PLA2G5: variants seen among roughly 807,000 people sequenced by gnomAD.
PLA2G5 encodes the protein phospholipase A2 group V, also known as Ca2+-dependent phospholipase A2.
A neutral mutation model predicts 15.9 loss-of-function variants in PLA2G5; 12 were observed. The ratio of observed to expected loss-of-function variants is 0.76; its 90% CI spans 0.48 to 1.23. The LOEUF (loss-of-function observed/expected upper bound fraction) is 1.23, where lower values mean the gene tolerates loss of function less well. PLA2G5 is among the 50% of genes most tolerant of loss of function. The pLI, the probability that PLA2G5 is intolerant of heterozygous loss-of-function variation, is 0.00. For missense variants in PLA2G5, 169 were observed against 177.1 expected (o/e 0.95, Z 0.26); for synonymous variants, 71 against 71.4 (o/e 0.99, Z 0.03).
At chr1:20,036,067 C>G (rs1018847023) in intron 1 of PLA2G5, among the ~76,000 whole-genome samples, 5 of 152,146 alleles carry the variant, frequency 3.3e-5, no homozygotes, top group Non-Finnish European at 5.9e-5. Context: ...AGATACAACC[C>G]CAATCCCTTC....
intron 1 of PLA2G5, among the ~76,000 whole-genome samples, chr1:20,038,137 G>A (rs376760056): frequency 5.9e-5 from 9 of 152,158 alleles, no homozygotes; most frequent in African/African-American, 2.2e-4. Flanking sequence ...CAGGCAGCTG[G>A]TGAGTAGGGC....
intron 1 of PLA2G5, among the ~76,000 whole-genome samples, chr1:20,039,792 G>C (rs1323671736): frequency 6.6e-6 from 1 of 152,122 alleles, no homozygotes; most frequent in Non-Finnish European, 1.5e-5. Flanking sequence ...AAGAATTGCA[G>C]GCTTTTAATC....
chr1:20,090,798 C>A lies in PLA2G5; in HGVS notation c.*106C>A. 1.7e-6 allele frequency: 2 copies of A among 1,198,796 alleles called. No individual in the cohort carries two copies. The highest frequency in any genetic ancestry group is 1.5e-5 in the African/African-American group (1 of 66,602). 74.3% of individuals were successfully genotyped at this position (1,198,796 alleles called of 1,614,324 possible). A position where few individuals can be genotyped will look rare whatever the true frequency, so the allele number is the denominator to read the frequency against. On this transcript the variant is annotated 3_prime_UTR_variant, in exon 5 of 5. Transcript: ENST00000375108. The stretch of plus-strand genomic sequence containing the variant: ...TGAGAGAGGCTCCTAAGTCACAGAC[C>A]TCAGTCTTTCTCGAAGCTTGGCGGA...
At chr1:20,071,850 G>C (rs1201575830) in intron 1 of PLA2G5, among the ~76,000 whole-genome samples, 1 of 152,156 alleles carries the variant, frequency 6.6e-6, no homozygotes, top group Non-Finnish European at 1.5e-5. Context: ...GCTCATGCCT[G>C]TAATCCCAGC....
At chr1:20,076,697 A>G (rs2100568629) in intron 1 of PLA2G5, 1 of 152,374 alleles carries the variant, frequency 6.6e-6, no homozygotes, top group South Asian at 2.1e-4. Flanking sequence ...GCAAATGTTC[A>G]TTAAAGACCG....
rs1307460887 is a variant in PLA2G5, at chr1:20,089,817, G to A, written c.214G>A (p.Gly72Arg). ...WCCWAHDHCY[G>R]RLEEKGCNIR... ...CTGTTGGGCGCATGACCACTGCTAT[G>A]GGCGGCTGGAGGAGAAGGGCTGCAA... The change falls in exon 4 of 5, where the codon GGG (glycine) becomes AGG (arginine). Residue 72 changes from glycine to arginine, a missense_variant. Gly to Arg is a moderately radical substitution (Grantham distance 125, BLOSUM62 -2). Transcript: ENST00000375108. The A allele has an allele frequency of 1.2e-6, 2 of 1,614,160 alleles. No homozygotes were observed. The highest frequency in any genetic ancestry group is 1.7e-6 in the Non-Finnish European group (2 of 1,180,000).
intron 1 of PLA2G5, among the ~76,000 whole-genome samples, chr1:20,045,456 C>T (rs1051189035): frequency 1.3e-5 from 2 of 151,458 alleles, no homozygotes; most frequent in Admixed American, 6.6e-5. Flanking sequence ...TTCCCAAGTT[C>T]GTGACTGGCA....
chr1:20,041,714 T>G (rs1237106451), intron 1 of PLA2G5, among the ~76,000 whole-genome samples: 3 of 152,228 alleles, frequency 2.0e-5, no homozygotes, highest in African/African-American at 7.2e-5. Context: ...AGAATGAGCC[T>G]GTGAGGCTGG....
At chr1:20,081,823 G>A (rs1263926723) in intron 1 of PLA2G5, among the ~76,000 whole-genome samples, 4 of 151,968 alleles carry the variant, frequency 2.6e-5, no homozygotes, top group South Asian at 2.1e-4. Flanking sequence ...GGAGGCCGAG[G>A]TGGGCGGATC....
rs779836652 is a variant in PLA2G5 at position 20,084,890 on chromosome 1, C to A, written c.40+20C>A. The A allele has an allele frequency of 1.9e-6, 3 of 1,576,904 alleles. No homozygotes were observed. The highest frequency in any genetic ancestry group is 2.2e-5 in the South Asian group (2 of 90,290). ...CTTGTAGTAAGTGCTGGCCCCGTGACCTTCGAATGAACTTTTACCCCATGG... is the reference window on the plus strand; with the variant it reads ...CTTGTAGTAAGTGCTGGCCCCGTGAACTTCGAATGAACTTTTACCCCATGG... On this transcript the variant is annotated intron_variant, in intron 2 of 4. Coordinates refer to ENST00000375108, the MANE Select transcript of PLA2G5 (RefSeq NM_000929.3).
chr1:20,063,221 A>G (rs1469306065), intron 2 of PLA2G5, among the ~76,000 whole-genome samples: 1 of 152,122 alleles, frequency 6.6e-6, no homozygotes, highest in African/African-American at 2.4e-5. Flanking sequence ...GATGAAAATG[A>G]AAAAAACCAA....
At chr1:20,059,431 A>AG (rs1553173517) in intron 1 of PLA2G5, among the ~76,000 whole-genome samples, 7 of 152,052 alleles carry the variant, frequency 4.6e-5, no homozygotes, top group East Asian at 1.9e-4. Context: ...TAAAAAAAAA[A>AG]AGAGAGAGAG....
chr1:20,077,069 TG>T (rs1387148367), intron 1 of PLA2G5, among the ~76,000 whole-genome samples: 1 of 152,144 alleles, frequency 6.6e-6, no homozygotes, highest in Non-Finnish European at 1.5e-5. Flanking sequence ...AGAACAAGTG[TG>T]TTTATGTGAT....
intron 1 of PLA2G5, among the ~76,000 whole-genome samples, chr1:20,045,472 GT>G (rs1001119958): frequency 6.6e-6 from 1 of 152,196 alleles, no homozygotes; most frequent in Non-Finnish European, 1.5e-5. Flanking sequence ...TGGCACTGGA[GT>G]TTTGGGTTCA....
chr1:20,080,588 A>C (rs979492163), intron 1 of PLA2G5, among the ~76,000 whole-genome samples: 1 of 151,978 alleles, frequency 6.6e-6, no homozygotes, highest in Non-Finnish European at 1.5e-5. Context: ...TCAAAAAAAC[A>C]ACCAAAATAA....
At chr1:20,088,691 T>A (rs973643612) in intron 3 of PLA2G5, 1 of 153,772 alleles carries the variant, frequency 6.5e-6, no homozygotes, top group African/African-American at 2.4e-5. Context: ...CAGTCATCCC[T>A]TGGACTGGTT....
At chr1:20,052,680 T>C (rs571617548) in intron 1 of PLA2G5, among the ~76,000 whole-genome samples, 1 of 152,302 alleles carries the variant, frequency 6.6e-6, no homozygotes, top group Non-Finnish European at 1.5e-5. Flanking sequence ...CATTTTCTTC[T>C]AAAATTCTTT....
intron 1 of PLA2G5, among the ~76,000 whole-genome samples, chr1:20,033,293 A>C (rs2013067487): frequency 6.6e-6 from 1 of 152,214 alleles, no homozygotes; most frequent in Admixed American, 6.5e-5. Context: ...AGGGCTTGCA[A>C]AATGTGTTGG....
intron 1 of PLA2G5, among the ~76,000 whole-genome samples, chr1:20,030,540 A>G (rs1363441913): frequency 6.6e-6 from 1 of 151,122 alleles, no homozygotes; most frequent in African/African-American, 2.4e-5. Flanking sequence ...CCTTCCTCTT[A>G]TCTCAATTGC....
Sources: gnomAD v4.1 joint callset for allele counts (sites outside exome capture counted in the v4.1 genomes callset) on GRCh38, gnomAD v4.1.1 for gene constraint, MANE v1.5 for transcripts, NCBI Gene and HGNC (gene_info 2026-07-23, HGNC 2026-07-21) for gene names.